INPP5K: variants seen among roughly 807,000 people sequenced by gnomAD.
INPP5K encodes inositol polyphosphate 5-phosphatase K.
Under a neutral mutation model 53.5 loss-of-function variants are expected in INPP5K, and 35 were observed. That is an observed-to-expected ratio of 0.65 (90% confidence interval 0.50 to 0.87). The LOEUF is 0.87. Among genes scored for constraint, INPP5K ranks in the 40% least tolerant of loss-of-function variants. The pLI is 0.00. For missense variants in INPP5K, 550 were observed against 586.2 expected (o/e 0.94, Z 0.64); for synonymous variants, 253 against 232.8 (o/e 1.09, Z -0.79).
At chr17:1,502,568 G>A (rs1054856487) in intron 7 of INPP5K, among the ~76,000 whole-genome samples, 4 of 144,976 alleles carry the variant, frequency 2.8e-5, no homozygotes, top group African/African-American at 5.2e-5. Flanking sequence ...CCACGGCCAG[G>A]CTGATCACTG....
chr17:1,496,214 A>T, intron 10 of INPP5K, 50 bp from the exon 11 acceptor site: 1 of 1,518,708 alleles, frequency 6.6e-7, no homozygotes, highest in South Asian at 1.1e-5. Context: ...TCTGGGCTCC[A>T]CCCAGCTCTG....
At chr17:1,514,553 G>A (rs1359918244) in intron 1 of INPP5K, among the ~76,000 whole-genome samples, 1 of 152,054 alleles carries the variant, frequency 6.6e-6, no homozygotes, top group Admixed American at 6.6e-5. Flanking sequence ...TGGTGCTGCT[G>A]ATATAGCAGA....
intron 8 of INPP5K, 65 bp downstream of exon 8, chr17:1,497,871 A>G: frequency 7.1e-7 from 1 of 1,399,558 alleles, no homozygotes; most frequent in Non-Finnish European, 1.0e-6. Context: ...CCAGGGATGG[A>G]GGGCTTGGGG....
intron 7 of INPP5K, among the ~76,000 whole-genome samples, chr17:1,498,728 AGTGGCTGGGACGGTAAGTGC>A (rs2074928342): frequency 1.3e-5 from 2 of 152,106 alleles, no homozygotes; most frequent in African/African-American, 4.8e-5. Context: ...CAGCCTCCTG[AGTGGCTGGGACGGTAAGTGC>A]GTGGCACTAT....
intron 7 of INPP5K, among the ~76,000 whole-genome samples, chr17:1,499,744 G>GGT (rs563400636): frequency 7.9e-5 from 12 of 152,106 alleles, no homozygotes; most frequent in Non-Finnish European, 1.5e-4. Context: ...CTGGAGGTGG[G>GGT]GTGTGTGTGT....
At position 1,507,486 on chromosome 17, in the gene INPP5K, G is replaced by A. The variant is rs141247792; in HGVS notation, c.667-397C>T. 5.8e-3 allele frequency: 1,206 copies of A among 207,084 alleles called. 14 individuals are homozygous for A. Among genetic ancestry groups the A allele is most frequent in the African/African-American group, 0.026 (1,145 of 43,354 alleles). 12.8% of individuals were successfully genotyped at this position (207,084 alleles called of 1,614,324 possible). On this transcript the variant is annotated intron_variant, in intron 6 of 11. Transcript: ENST00000421807. ...GGGATGGGAAAGACGACAGGGACACGATGGGCTGACGCATGATGGTACCTG... is the reference window on the plus strand; with the variant it reads ...GGGATGGGAAAGACGACAGGGACACAATGGGCTGACGCATGATGGTACCTG...
At chr17:1,515,761 G>C in intron 1 of INPP5K, 1 of 610,792 alleles carries the variant, frequency 1.6e-6, no homozygotes, top group Non-Finnish European at 2.0e-6. Context: ...ACACTATACA[G>C]AAACCACCTT....
chr17:1,503,416 C>T (rs991737809), intron 7 of INPP5K, among the ~76,000 whole-genome samples: 1 of 152,084 alleles, frequency 6.6e-6, no homozygotes, highest in South Asian at 2.1e-4. Flanking sequence ...GATCTCCTGA[C>T]CTCGTGATCC....
chr17:1,498,122 A>G lies in INPP5K; in HGVS notation c.777T>C (p.Ser259=), dbSNP rs755108548. 1.5e-5 allele frequency: 24 copies of G among 1,596,730 alleles called. No homozygotes were observed. Among genetic ancestry groups the G allele is most frequent in the Non-Finnish European group, 2.0e-5 (23 of 1,167,976 alleles). ...TCCATGCAGGCTTGCGTTTTTTCTC[A>G]CTGCAGGGGCAGGGGGCATAAAGAG... ...FDRNSNDYDT[S]EKKRKPAWTD... is the part of the protein sequence containing the mutation. The change falls in exon 8 of 12, where the codon AGT becomes AGC. Residue 259 remains serine, a splice_region_variant and synonymous_variant. Transcript: ENST00000421807.
In INPP5K at chr17:1,495,234, C is replaced by T. The variant is rs1320462295; in HGVS notation, c.*589G>A. On this transcript the variant is annotated 3_prime_UTR_variant, in exon 12 of 12. Coordinates refer to ENST00000421807, the MANE Select transcript of INPP5K (RefSeq NM_016532.4). ...GCCGAAGGACCCTCATCAACCTGCT[C>T]ATAACCATGGCGTAAGAGCCTGGCT... is the stretch of plus-strand genomic sequence containing the variant. 6.6e-6 allele frequency: 1 copy of T among 152,420 alleles called. No individual in the cohort carries two copies. Among genetic ancestry groups the T allele is most frequent in the Non-Finnish European group, 1.5e-5 (1 of 68,188 alleles). The allele number at this position is 152,420 out of a possible 1,614,324, so 9.4% of individuals were successfully genotyped here.
intron 1 of INPP5K, among the ~76,000 whole-genome samples, chr17:1,514,210 C>T (rs907891494): frequency 1.3e-5 from 2 of 151,960 alleles, no homozygotes; most frequent in Non-Finnish European, 2.9e-5. Flanking sequence ...GTAATCCCAG[C>T]TACTCTGGAG....
chr17:1,503,752 T>G (rs182372684), intron 7 of INPP5K, among the ~76,000 whole-genome samples: 1 of 152,212 alleles, frequency 6.6e-6, no homozygotes, highest in East Asian at 1.9e-4. Flanking sequence ...GGGCTCACAG[T>G]GGCAACTATA....
chr17:1,495,962 G>C (rs958547028), intron 11 of INPP5K, 83 bp from the exon 12 acceptor site: 1 of 1,414,208 alleles, frequency 7.1e-7, no homozygotes, highest in Non-Finnish European at 1.0e-6. Context: ...CACTGCAGCG[G>C]CCCCTCATGT....
chr17:1,507,016 T>A lies in INPP5K; in HGVS notation c.740A>T (p.Tyr247Phe), dbSNP rs771331445. 9.3e-6 allele frequency: 15 copies of A among 1,613,930 alleles called. No individual in the cohort carries two copies. The highest frequency in any genetic ancestry group is 1.2e-5 in the Non-Finnish European group (14 of 1,179,928). ...GTCGTTGGAGTTCCTATCAAACTTG[T>A]AGGTGGGCGGGAAGAGTAGGCGGCC... ...QEGRLLFPPTYKFDRNSNDYD... is the reference protein window; with the variant it reads ...QEGRLLFPPTFKFDRNSNDYD... The change falls in exon 7 of 12, where the codon TAC becomes TTC. Residue 247 changes from tyrosine (Y) to phenylalanine (F), a missense_variant. By Grantham distance (22) the Tyr-to-Phe change is conservative. Transcript: ENST00000421807.
chr17:1,500,697 C>CTGCA (rs1171090419), intron 7 of INPP5K, among the ~76,000 whole-genome samples: 3 of 151,960 alleles, frequency 2.0e-5, no homozygotes, highest in Non-Finnish European at 4.4e-5. Flanking sequence ...TATACGATTA[C>CTGCA]ACTACATTGC....
At chr17:1,516,287 G>A (rs1167040320) in intron 1 of INPP5K, among the ~76,000 whole-genome samples, 169 bp downstream of exon 1, 1 of 152,228 alleles carries the variant, frequency 6.6e-6, no homozygotes, top group Non-Finnish European at 1.5e-5. Context: ...GAGGGGGCGC[G>A]AGGCTCGGGC....
intron 3 of INPP5K, among the ~76,000 whole-genome samples, chr17:1,511,409 C>T (rs968537703): frequency 2.6e-5 from 4 of 152,188 alleles, no homozygotes; most frequent in Non-Finnish European, 4.4e-5. Context: ...TGTCTACCAC[C>T]GGCACCCGAG....
chr17:1,507,026 G>A lies in INPP5K; in HGVS notation c.730C>T (p.Pro244Ser), dbSNP rs773270988. The stretch of plus-strand genomic sequence containing the variant: ...TTCCTATCAAACTTGTAGGTGGGCG[G>A]GAAGAGTAGGCGGCCCTCCTGGAAC... ...REFQEGRLLFPPTYKFDRNSN... is the reference protein window; with the variant it reads ...REFQEGRLLFSPTYKFDRNSN... The change falls in exon 7 of 12, where the codon CCG becomes TCG. Residue 244 changes from proline (P) to serine (S), a missense_variant. Pro to Ser is a moderately conservative substitution (Grantham distance 74). Coordinates refer to ENST00000421807, the MANE Select transcript of INPP5K (RefSeq NM_016532.4). The A allele has an allele frequency of 9.9e-6, 16 of 1,613,902 alleles. No individual in the cohort carries two copies. The highest frequency in any genetic ancestry group is 1.4e-5 in the Non-Finnish European group (16 of 1,179,994).
intron 5 of INPP5K, 57 bp downstream of exon 5, chr17:1,509,121 T>G (rs2075241539): frequency 3.1e-5 from 32 of 1,026,448 alleles, no homozygotes; most frequent in Non-Finnish European, 3.9e-5. Context: ...TCGTGGGGGT[T>G]AGTGGGGGTT....
Sources: allele counts gnomAD v4.1 joint callset (sites outside exome capture counted in the v4.1 genomes callset), GRCh38; gene constraint gnomAD v4.1.1; transcripts MANE v1.5; gene names NCBI Gene and HGNC (gene_info 2026-07-23, HGNC 2026-07-21).